Variants in KIAA0586 observed in about 807,000 individuals in gnomAD.
KIAA0586 encodes KIAA0586.
In KIAA0586, 144 loss-of-function variants were observed where a neutral mutation model predicts 169.8. That is an observed-to-expected ratio of 0.85 (90% confidence interval 0.74 to 0.97). KIAA0586 has a LOEUF of 0.97. KIAA0586 is among the 50% of genes least tolerant of loss of function. KIAA0586 has a pLI of 0.00. For missense variants in KIAA0586, 1,854 were observed against 1,823.0 expected (o/e 1.02, Z -0.31); for synonymous variants, 625 against 612.4 (o/e 1.02, Z -0.30).
chr14:58,514,454 A>C (rs1026926999), intron 29 of KIAA0586, among the ~76,000 whole-genome samples: 6 of 152,102 alleles, frequency 3.9e-5, no homozygotes, highest in African/African-American at 1.2e-4. Context: ...AATTTTGGCT[A>C]TTTCAGGGGG....
chr14:58,528,033 C>CA (rs1162472144), intron 29 of KIAA0586, among the ~76,000 whole-genome samples: 2 of 151,428 alleles, frequency 1.3e-5, no homozygotes, highest in South Asian at 2.1e-4. Context: ...AAATGGAAAG[C>CA]AAAAAAAGCA....
At position 58,498,809 on chromosome 14, in the gene KIAA0586, T is replaced by C. The variant is rs1441973657; in HGVS notation, c.4017T>C (p.Leu1339=). 1 of 1,606,782 alleles carries C rather than the reference T, an allele frequency of 6.2e-7. No homozygotes were observed. The highest frequency in any genetic ancestry group is 8.5e-7 in the Non-Finnish European group (1 of 1,177,228). Residue 1339 remains leucine, a synonymous_variant, in exon 27 of 31, where the codon CTT becomes CTC. Coordinates refer to ENST00000652326, the MANE Select transcript of KIAA0586 (RefSeq NM_001329943.3). ...ACTTGGAAAACAGTGTGGGTGAACTTAGTGAAGGACAAAGACCCCAGCTAA... is the reference window on the plus strand; with the variant it reads ...ACTTGGAAAACAGTGTGGGTGAACTCAGTGAAGGACAAAGACCCCAGCTAA... ...SEDLENSVGE[L]SEGQRPQLTA... is the part of the protein sequence containing the mutation.
intron 27 of KIAA0586, among the ~76,000 whole-genome samples, chr14:58,501,598 T>A (rs1422450459): frequency 4.0e-5 from 1 of 25,272 alleles, no homozygotes; most frequent in Admixed American, 5.5e-4. Flanking sequence ...TAATCTTAGG[T>A]ACATTGTAGG....
chr14:58,431,482 G>A (rs1393057528), intron 3 of KIAA0586, among the ~76,000 whole-genome samples: 3 of 152,190 alleles, frequency 2.0e-5, no homozygotes, highest in East Asian at 1.9e-4. Flanking sequence ...GACCAGACTG[G>A]TCTCAAACTC....
Position 58,444,133 on chromosome 14 carries a change from A to C in KIAA0586, c.765A>C (p.Ile255=). The C allele has an allele frequency of 6.2e-7, 1 of 1,613,562 alleles. No homozygotes were observed. The highest frequency in any genetic ancestry group is 8.5e-7 in the Non-Finnish European group (1 of 1,179,578). The change falls in exon 6 of 31, where the codon ATA becomes ATC. Residue 255 remains isoleucine, a synonymous_variant. Transcript: ENST00000652326. ...KQMNVFMEQH[I]RHLEKLQQQQ... is the part of the protein sequence containing the mutation. Reference sequence around the variant, plus strand: ...TGAATGTGTTTATGGAGCAGCACATAAGGCATCTTGAAAAGTTACAACAAC... The same window carrying C: ...TGAATGTGTTTATGGAGCAGCACATCAGGCATCTTGAAAAGTTACAACAAC...
chr14:58,440,708 C>T (rs2038262484), intron 4 of KIAA0586, among the ~76,000 whole-genome samples: 1 of 152,122 alleles, frequency 6.6e-6, no homozygotes, highest in African/African-American at 2.4e-5. Flanking sequence ...TTATCAATCC[C>T]TCTTGGGGAC....
chr14:58,472,288 G>T lies in KIAA0586; in HGVS notation c.2634+9G>T. The T allele has an allele frequency of 6.8e-7, 1 of 1,475,990 alleles. No homozygotes were observed. The highest frequency in any genetic ancestry group is 9.1e-7 in the Non-Finnish European group (1 of 1,097,748). 91.4% of individuals were successfully genotyped at this position (1,475,990 alleles called of 1,614,324 possible). On this transcript the variant is annotated intron_variant, in intron 18 of 30. Coordinates refer to ENST00000652326, the MANE Select transcript of KIAA0586 (RefSeq NM_001329943.3). ...TAATCGATGTCATACAGGTAACAAA[G>T]CTTAGAAACCATGAGAAATTATTTT...
intron 21 of KIAA0586, among the ~76,000 whole-genome samples, chr14:58,485,386 TAA>T (rs957706484): frequency 6.6e-6 from 1 of 152,170 alleles, no homozygotes; most frequent in African/African-American, 2.4e-5. Flanking sequence ...GGCAAAACTC[TAA>T]AAGTTTGATA....
chr14:58,530,830 A>G (rs1044676064), intron 29 of KIAA0586, among the ~76,000 whole-genome samples: 2 of 152,216 alleles, frequency 1.3e-5, no homozygotes, highest in African/African-American at 4.8e-5. Flanking sequence ...ACAAAAGTCA[A>G]AATAGACAAA....
chr14:58,467,997 T>C (rs1419285225), intron 16 of KIAA0586, 75 bp downstream of exon 16: 2 of 820,584 alleles, frequency 2.4e-6, no homozygotes, highest in Non-Finnish European at 3.8e-6. Flanking sequence ...CGGAAATCCA[T>C]TATATTGCTT....
intron 14 of KIAA0586, among the ~76,000 whole-genome samples, chr14:58,463,049 A>C (rs1182430218): frequency 6.6e-6 from 1 of 152,098 alleles, no homozygotes; most frequent in Non-Finnish European, 1.5e-5. Flanking sequence ...ATCAGAACCT[A>C]AGGACTTATG....
chr14:58,470,225 C>A (rs1038744254), intron 16 of KIAA0586, among the ~76,000 whole-genome samples: 2 of 151,586 alleles, frequency 1.3e-5, no homozygotes, highest in Admixed American at 1.3e-4. Flanking sequence ...GTTATATAGT[C>A]ATTTAAAAAT....
At chr14:58,457,603 G>T (rs2039977900) in intron 10 of KIAA0586, among the ~76,000 whole-genome samples, 156 bp from the exon 11 acceptor site, 1 of 152,182 alleles carries the variant, frequency 6.6e-6, no homozygotes, top group South Asian at 2.1e-4. Context: ...AAAACACTTT[G>T]ATTGCCAAGT....
At chr14:58,559,892 C>T in the KIAA0586 span, among the ~76,000 whole-genome samples, 1 of 152,168 alleles carries the variant, frequency 6.6e-6, no homozygotes, top group Admixed American at 6.5e-5. Context: ...GTGGCTCACG[C>T]CTGTAATTCC....
At chr14:58,556,226 T>C (rs2047239979), downstream of KIAA0586, among the ~76,000 whole-genome samples, 1 of 152,232 alleles carries the variant, frequency 6.6e-6, no homozygotes, top group Admixed American at 6.5e-5. Flanking sequence ...AGGCATTCAT[T>C]CATCCACTTG....
At chr14:58,431,355 C>T (rs1002433678) in intron 3 of KIAA0586, among the ~76,000 whole-genome samples, 1 of 152,092 alleles carries the variant, frequency 6.6e-6, no homozygotes, top group African/African-American at 2.4e-5. Context: ...CTCCAGCTCC[C>T]GGGTTCAAGC....
intron 20 of KIAA0586, among the ~76,000 whole-genome samples, chr14:58,479,001 A>G (rs746746788): frequency 6.6e-6 from 1 of 152,230 alleles, no homozygotes; most frequent in Non-Finnish European, 1.5e-5. Flanking sequence ...TTATGAATAA[A>G]GCTGCTATGA....
At chr14:58,472,162 T>C in intron 17 of KIAA0586, 37 bp from the exon 18 acceptor site, 2 of 1,119,682 alleles carry the variant, frequency 1.8e-6, no homozygotes, top group Non-Finnish European at 2.6e-6. Context: ...TTAAAAGTGT[T>C]AAGCACAACA....
chr14:58,509,321 A>G (rs1196376833), intron 28 of KIAA0586, among the ~76,000 whole-genome samples: 1 of 152,210 alleles, frequency 6.6e-6, no homozygotes, highest in African/African-American at 2.4e-5. Context: ...CTAGCTCAGT[A>G]ATTTACATAT....
Sources: allele counts gnomAD v4.1 joint callset (sites outside exome capture counted in the v4.1 genomes callset), GRCh38; gene constraint gnomAD v4.1.1; transcripts MANE v1.5; gene names NCBI Gene and HGNC (gene_info 2026-07-23, HGNC 2026-07-21).